The following STK32C variants were observed in gnomAD, a reference collection of about 807,000 sequenced individuals.
The protein encoded by STK32C is serine/threonine kinase 32C.
In STK32C, 31 loss-of-function variants were observed where a neutral mutation model predicts 56.5. The observed-to-expected ratio is 0.55, with a 90% CI of 0.41 to 0.74. The LOEUF is 0.74. STK32C is among the 30% of genes least tolerant of loss of function. STK32C has a pLI of 0.00. For synonymous variants in STK32C, 309 were observed against 289.4 expected (o/e 1.07, Z -0.69); for missense variants, 544 against 676.9 (o/e 0.80, Z 2.18).
intron 1 of STK32C, among the ~76,000 whole-genome samples, chr10:132,280,391 C>CCATGATCACCACACTCCACT (rs2065139611): frequency 8.4e-6 from 1 of 119,080 alleles, no homozygotes. Flanking sequence ...GACACTCCAC[C>CCATGATCACCACACTCCACT]CCGTGATCAC....
chr10:132,219,862 G>C (rs1012440371), intron 10 of STK32C, among the ~76,000 whole-genome samples: 1 of 152,160 alleles, frequency 6.6e-6, no homozygotes, highest in Admixed American at 6.5e-5. Context: ...GGGCCCACCA[G>C]GTCTGAGGAG....
chr10:132,303,040 T>C (rs1030413783), intron 1 of STK32C, among the ~76,000 whole-genome samples: 2 of 152,102 alleles, frequency 1.3e-5, no homozygotes, highest in Non-Finnish European at 2.9e-5. Context: ...AGGTGAACCT[T>C]GTAAAAGTGG....
At chr10:132,250,079 C>T (rs2063840829) in intron 1 of STK32C, among the ~76,000 whole-genome samples, 1 of 152,248 alleles carries the variant, frequency 6.6e-6, no homozygotes, top group Non-Finnish European at 1.5e-5. Flanking sequence ...CACCAGGAGC[C>T]GGTGTCTACG....
At chr10:132,249,122 G>T (rs749920183) in intron 1 of STK32C, 8 of 459,542 alleles carry the variant, frequency 1.7e-5, no homozygotes, top group Non-Finnish European at 3.5e-5. Context: ...TGCCGGGGCG[G>T]GGCTGTGGCG....
upstream of STK32C, among the ~76,000 whole-genome samples, chr10:132,308,240 G>T (rs2066146614): frequency 6.6e-6 from 1 of 152,164 alleles, no homozygotes; most frequent in Non-Finnish European, 1.5e-5. Flanking sequence ...AGACTAGACG[G>T]CGGGTACGAG....
intron 1 of STK32C, among the ~76,000 whole-genome samples, chr10:132,326,762 G>A (rs1330781207): frequency 6.6e-6 from 1 of 152,146 alleles, no homozygotes; most frequent in African/African-American, 2.4e-5. Flanking sequence ...GCTGGTCACA[G>A]TCTGAACTAG....
At chr10:132,297,720 G>A (rs996037630) in intron 1 of STK32C, among the ~76,000 whole-genome samples, 2 of 152,228 alleles carry the variant, frequency 1.3e-5, no homozygotes, top group African/African-American at 4.8e-5. Context: ...GCGTCCTCCA[G>A]GGGCAGTGCA....
At chr10:132,209,224 G>T in intron 10 of STK32C, 123 bp from the exon 11 acceptor site, 1 of 912,932 alleles carries the variant, frequency 1.1e-6, no homozygotes, top group Non-Finnish European at 1.8e-6. Context: ...GACGGCCTCT[G>T]GGCTATTGAA....
chr10:132,225,629 G>A lies in STK32C; in HGVS notation c.683-13C>T, dbSNP rs746255593. The A allele has an allele frequency of 9.3e-6, 15 of 1,609,016 alleles. No individual in the cohort carries two copies. The highest frequency in any genetic ancestry group is 4.4e-5 in the South Asian group (4 of 90,770). On this transcript the variant is annotated splice_polypyrimidine_tract_variant and intron_variant, in intron 5 of 11. Coordinates refer to ENST00000298630, the MANE Select transcript of STK32C (RefSeq NM_173575.4). The stretch of plus-strand genomic sequence containing the variant: ...AGGTGTGCATGTCCTGTGCAGAGAG[G>A]GGTCAGGTGTGGCTGTCCCAGGACC...
chr10:132,254,922 G>T (rs2064053165), intron 1 of STK32C, among the ~76,000 whole-genome samples: 1 of 152,138 alleles, frequency 6.6e-6, no homozygotes, highest in Non-Finnish European at 1.5e-5. Context: ...CGTGGTGGAT[G>T]AGCTGCCCAC....
chr10:132,221,436 C>T (rs2062640303), intron 10 of STK32C, among the ~76,000 whole-genome samples: 1 of 140,202 alleles, frequency 7.1e-6, no homozygotes, highest in Non-Finnish European at 1.5e-5. Flanking sequence ...CTTCACGTGG[C>T]CATCCCTGCA....
At chr10:132,280,409 C>T (rs572827733) in intron 1 of STK32C, among the ~76,000 whole-genome samples, 27 of 148,302 alleles carry the variant, frequency 1.8e-4, no homozygotes, top group African/African-American at 6.5e-4. Flanking sequence ...CACGCACCTC[C>T]ACCCCCTGAT....
Position 132,207,967 on chromosome 10 carries a change from T to A in STK32C, c.*43A>T, listed in dbSNP as rs1284802211. The A allele has an allele frequency of 4.7e-6, 6 of 1,286,192 alleles. No individual in the cohort carries two copies. Among genetic ancestry groups the A allele is most frequent in the Non-Finnish European group, 5.9e-6 (6 of 1,010,756 alleles). The allele number at this position is 1,286,192 out of a possible 1,614,324, so 79.7% of individuals were successfully genotyped here. A position where few individuals can be genotyped will look rare whatever the true frequency, so the allele number is the denominator to read the frequency against. On this transcript the variant is annotated 3_prime_UTR_variant, in exon 12 of 12. Transcript: ENST00000298630. ...CATGGCCCTCCCTCTGGCAGCCGAG[T>A]CTCCAAAGCAGCTCAAGGGGTGAGG...
At chr10:132,239,732 G>A (rs571713498) in intron 2 of STK32C, among the ~76,000 whole-genome samples, 6 of 152,346 alleles carry the variant, frequency 3.9e-5, no homozygotes, top group Admixed American at 1.3e-4. Context: ...AACTTTTAGC[G>A]GCCACTGATG....
chr10:132,219,649 A>C (rs376694396), intron 10 of STK32C, among the ~76,000 whole-genome samples: 1 of 152,192 alleles, frequency 6.6e-6, no homozygotes, highest in African/African-American at 2.4e-5. Context: ...CCTGGCAGAC[A>C]GCAGCTCTCC....
intron 7 of STK32C, 131 bp downstream of exon 7, chr10:132,225,102 G>A (rs549999217): frequency 4.5e-4 from 306 of 681,348 alleles, no homozygotes; most frequent in Non-Finnish European, 6.2e-4. Flanking sequence ...CGATAAAAGC[G>A]TGACTCCTCA....
chr10:132,281,684 T>C (rs1377345599), intron 1 of STK32C, among the ~76,000 whole-genome samples: 1 of 152,070 alleles, frequency 6.6e-6, no homozygotes, highest in Non-Finnish European at 1.5e-5. Flanking sequence ...GGACAGGGAG[T>C]ATCCCCCTGG....
intron 1 of STK32C, among the ~76,000 whole-genome samples, chr10:132,271,941 CTCA>C (rs1442756278): frequency 1.3e-5 from 2 of 152,240 alleles, no homozygotes; most frequent in African/African-American, 4.8e-5. Context: ...CCCGGACCTC[CTCA>C]TGTTTGTGTG....
At chr10:132,330,371 C>T (rs2138511328) in intron 1 of STK32C, 1 of 704,876 alleles carries the variant, frequency 1.4e-6, no homozygotes, top group East Asian at 2.7e-5. Context: ...TGAAATCTTC[C>T]ATCCCCTTCG....
Sources: allele counts gnomAD v4.1 joint callset (sites outside exome capture counted in the v4.1 genomes callset), GRCh38; gene constraint gnomAD v4.1.1; transcripts MANE v1.5; gene names NCBI Gene and HGNC (gene_info 2026-07-23, HGNC 2026-07-21).